SORT1: variants seen among roughly 807,000 people sequenced by gnomAD.
SORT1 encodes the protein sortilin.
A neutral mutation model predicts 101.7 loss-of-function variants in SORT1; 39 were observed. The observed-to-expected ratio is 0.38, with a 90% CI of 0.30 to 0.50. The LOEUF is 0.50. Ranked by LOEUF, SORT1 falls within the 20% of genes least tolerant of loss-of-function variation. The probability of loss-of-function intolerance (pLI) is 0.90; values close to 1 mark genes in which losing one functional copy is unlikely to be tolerated. For synonymous variants in SORT1, 396 were observed against 393.7 expected (o/e 1.01, Z -0.07); for missense variants, 878 against 1,040.4 (o/e 0.84, Z 2.15).
intron 1 of SORT1, among the ~76,000 whole-genome samples, chr1:109,376,826 T>C (rs1006425172): frequency 5.3e-5 from 8 of 152,312 alleles, no homozygotes; most frequent in African/African-American, 1.9e-4. Context: ...TATCCCAGCA[T>C]CGCACAATAT....
chr1:109,356,367 CT>C (rs1650325350), intron 3 of SORT1, among the ~76,000 whole-genome samples: 1 of 152,184 alleles, frequency 6.6e-6, no homozygotes, highest in Non-Finnish European at 1.5e-5. Context: ...ACAGTAAAGA[CT>C]GCTATCGTCA....
intron 1 of SORT1, among the ~76,000 whole-genome samples, chr1:109,373,038 G>C (rs1194292997): frequency 6.6e-6 from 1 of 152,020 alleles, no homozygotes; most frequent in Non-Finnish European, 1.5e-5. Flanking sequence ...CTGTGCGACA[G>C]GGCAAGACTC....
intron 1 of SORT1, among the ~76,000 whole-genome samples, chr1:109,384,073 T>C (rs1223911641): frequency 1.3e-5 from 2 of 151,996 alleles, no homozygotes; most frequent in African/African-American, 4.8e-5. Context: ...GCCACTCAGT[T>C]TGCTTTTCAA....
chr1:109,356,339 G>C (rs1650323517), intron 3 of SORT1, among the ~76,000 whole-genome samples: 1 of 152,170 alleles, frequency 6.6e-6, no homozygotes, highest in Non-Finnish European at 1.5e-5. Flanking sequence ...AAACCCCAAT[G>C]ATGCAGTATG....
At chr1:109,395,327 C>T (rs1027791579) in intron 1 of SORT1, among the ~76,000 whole-genome samples, 1 of 140,950 alleles carries the variant, frequency 7.1e-6, no homozygotes, top group African/African-American at 2.6e-5. Flanking sequence ...TTCAAGTGAT[C>T]GTCATGCCTC....
At chr1:109,357,373 A>G (rs1202865907) in intron 3 of SORT1, among the ~76,000 whole-genome samples, 1 of 152,250 alleles carries the variant, frequency 6.6e-6, no homozygotes, top group African/African-American at 2.4e-5. Flanking sequence ...TAGCGGCCTC[A>G]ACAAATAAAG....
chr1:109,323,070 T>C lies in SORT1; in HGVS notation c.1886A>G (p.Asp629Gly). The C allele has an allele frequency of 1.2e-6, 2 of 1,614,162 alleles. No individual in the cohort carries two copies. Among genetic ancestry groups the C allele is most frequent in the Non-Finnish European group, 1.7e-6 (2 of 1,180,014 alleles). The change falls in exon 15 of 20, where the codon GAT becomes GGT. Residue 629 changes from aspartate (D) to glycine (G), a missense_variant. By Grantham distance (94) the Asp-to-Gly change is moderately conservative (BLOSUM62 -1). Around this residue, in one of 2 missense-constraint regions of SORT1, gnomAD observed 684 missense variants for 894.5 expected, o/e 0.76. Transcript: ENST00000256637. The part of the protein sequence containing the change: ...IWLAHSTDPE[D>G]YEDGCILGYK... Reference sequence around the variant, plus strand: ...GCCCAAAATGCAGCCATCTTCATAATCTTCAGGGTCTGTGGAGTGTGCCAG... The same window carrying C: ...GCCCAAAATGCAGCCATCTTCATAACCTTCAGGGTCTGTGGAGTGTGCCAG...
At chr1:109,368,022 G>A (rs896507659) in intron 2 of SORT1, among the ~76,000 whole-genome samples, 2 of 152,090 alleles carry the variant, frequency 1.3e-5, no homozygotes, top group Non-Finnish European at 2.9e-5. Flanking sequence ...GGCTGGGCAC[G>A]GTGGCTCACG....
In SORT1 at chr1:109,317,499, G is replaced by A. The variant is rs72646584; in HGVS notation, c.2141+354C>T. Reference sequence around the variant, plus strand: ...TGGCTGTGCCTAAACTGTGCCAGACGAGCGATGGACGTTCATGGCGGATGG... The same window carrying A: ...TGGCTGTGCCTAAACTGTGCCAGACAAGCGATGGACGTTCATGGCGGATGG... On this transcript the variant is annotated intron_variant, in intron 16 of 19. Transcript: ENST00000256637. 9.2e-3 allele frequency among the ~76,000 whole-genome samples: 1,398 copies of A among 152,336 alleles called. 19 individuals carry two copies. The highest frequency in any genetic ancestry group is 0.032 in the African/African-American group (1,337 of 41,574).
chr1:109,381,450 A>G (rs1557824388), intron 1 of SORT1, among the ~76,000 whole-genome samples: 1 of 152,236 alleles, frequency 6.6e-6, no homozygotes, highest in Non-Finnish European at 1.5e-5. Flanking sequence ...CGTTTAAAAA[A>G]ATCTTAAAAA....
At chr1:109,373,380 G>A (rs1171639834) in intron 1 of SORT1, among the ~76,000 whole-genome samples, 1 of 152,136 alleles carries the variant, frequency 6.6e-6, no homozygotes. Context: ...ATCTGAGCAG[G>A]GGGCCTCCCC....
At chr1:109,384,089 A>G (rs931995144) in intron 1 of SORT1, among the ~76,000 whole-genome samples, 1 of 152,150 alleles carries the variant, frequency 6.6e-6, no homozygotes, top group Non-Finnish European at 1.5e-5. Context: ...TTCAACTGCT[A>G]TGTATCTGGG....
intron 11 of SORT1, among the ~76,000 whole-genome samples, chr1:109,334,714 T>A (rs1385102063): frequency 1.3e-5 from 2 of 152,192 alleles, no homozygotes; most frequent in Non-Finnish European, 2.9e-5. Flanking sequence ...GTGATGCATA[T>A]GTTAGTTAGC....
intron 14 of SORT1, among the ~76,000 whole-genome samples, chr1:109,323,672 G>A (rs1023321642): frequency 6.6e-5 from 10 of 152,186 alleles, no homozygotes; most frequent in African/African-American, 2.4e-4. Flanking sequence ...CCTAGTTTCT[G>A]GCTTAGTATG....
intron 3 of SORT1, among the ~76,000 whole-genome samples, chr1:109,355,724 T>C (rs986371192): frequency 1.5e-5 from 2 of 135,396 alleles, no homozygotes; most frequent in East Asian, 2.4e-4. Flanking sequence ...CAATGGGAGA[T>C]AAAAGGTGGG....
Position 109,342,052 on chromosome 1 carries a change from T to C in SORT1, c.1070A>G (p.Asn357Ser), listed in dbSNP as rs72646565. The change falls in exon 9 of 20, where the codon AAT becomes AGT. Residue 357 changes from asparagine (N) to serine (S), a missense_variant. Asn to Ser is a conservative substitution (Grantham distance 46). Transcript: ENST00000256637. ...TACATGCATGAATACCATGTCATCA[T>C]TTGCTGCCAGAATAGAATAGAACTG... ...QEQFYSILAA[N>S]DDMVFMHVDE... is the part of the protein sequence containing the mutation. 4 of 1,613,954 alleles carry C rather than the reference T, an allele frequency of 2.5e-6. No homozygotes were observed. Among genetic ancestry groups the C allele is most frequent in the Non-Finnish European group, 3.4e-6 (4 of 1,179,980 alleles).
At chr1:109,357,157 A>G (rs1197927753) in intron 3 of SORT1, among the ~76,000 whole-genome samples, 1 of 152,236 alleles carries the variant, frequency 6.6e-6, no homozygotes, top group African/African-American at 2.4e-5. Context: ...GTACAGTAAC[A>G]TGCTCTACAG....
Position 109,397,714 on chromosome 1 carries a change from A to C in SORT1, c.179T>G (p.Leu60Arg), listed in dbSNP as rs1653280114. 25 of 1,190,314 alleles carry C rather than the reference A, an allele frequency of 2.1e-5. No individual in the cohort carries two copies. The South Asian group carries it at 5.6e-4, about 26-fold the overall frequency. 73.7% of individuals were successfully genotyped at this position (1,190,314 alleles called of 1,614,324 possible). A position where few individuals can be genotyped will look rare whatever the true frequency, so the allele number is the denominator to read the frequency against. ...CGCGCCCCCGGCTGCGGCCGCCCGCAGCCCCCAGCTCACCCCGATGGGGCC... is the reference window on the plus strand; with the variant it reads ...CGCGCCCCCGGCTGCGGCCGCCCGCCGCCCCCAGCTCACCCCGATGGGGCC... The part of the protein sequence containing the change: ...WSGPIGVSWG[L>R]RAAAAGGAFP... Residue 60 changes from leucine (L) to arginine (R), a missense_variant, in exon 1 of 20, where the codon CTG becomes CGG. Physicochemically the swap from Leu to Arg is moderately radical, Grantham distance 102 (BLOSUM62 -2). Coordinates refer to ENST00000256637, the MANE Select transcript of SORT1 (RefSeq NM_002959.7).
At chr1:109,390,331 G>C (rs915503435) in intron 1 of SORT1, among the ~76,000 whole-genome samples, 3 of 152,180 alleles carry the variant, frequency 2.0e-5, no homozygotes, top group Non-Finnish European at 4.4e-5. Context: ...ATGGCAGGCA[G>C]CTCAGTAAGT....
Sources: allele counts gnomAD v4.1 joint callset (sites outside exome capture counted in the v4.1 genomes callset), GRCh38; gene constraint gnomAD v4.1.1; regional missense constraint gnomAD v4.1.1; transcripts MANE v1.5; gene names NCBI Gene and HGNC (gene_info 2026-07-23, HGNC 2026-07-21).